The following NEDD9 variants were observed in gnomAD, a reference collection of about 807,000 sequenced individuals.
The protein encoded by NEDD9 is enhancer of filamentation 1.
Under a neutral mutation model 76.6 loss-of-function variants are expected in NEDD9, and 26 were observed. The ratio of observed to expected loss-of-function variants is 0.34; its 90% CI spans 0.25 to 0.47. NEDD9 has a LOEUF of 0.47. Among genes scored for constraint, NEDD9 ranks in the 20% least tolerant of loss-of-function variants. The probability of loss-of-function intolerance (pLI) is 1.00; values close to 1 mark genes in which losing one functional copy is unlikely to be tolerated. For missense variants in NEDD9, 937 were observed against 1,058.5 expected, an observed-to-expected ratio of 0.89 and a Z score of 1.59; for synonymous variants, 392 against 414.2, an observed-to-expected ratio of 0.95 and a Z score of 0.65.
chr6:11,253,799 C>G (rs960115932), intron 3 of NEDD9, among the ~76,000 whole-genome samples: 2 of 152,182 alleles, frequency 1.3e-5, no homozygotes, highest in African/African-American at 4.8e-5. Flanking sequence ...AGATCCAGCA[C>G]CCACCCTCTA....
At chr6:11,326,588 G>A (rs1435678472) in intron 2 of NEDD9, among the ~76,000 whole-genome samples, 1 of 152,210 alleles carries the variant, frequency 6.6e-6, no homozygotes, top group African/African-American at 2.4e-5. Flanking sequence ...GAGCGGCATG[G>A]GTGGTGTTTT....
chr6:11,329,189 G>A (rs1414582133), intron 2 of NEDD9, among the ~76,000 whole-genome samples: 4 of 152,216 alleles, frequency 2.6e-5, no homozygotes, highest in African/African-American at 7.2e-5. Context: ...ACCCGTGCAA[G>A]GGCAAACATC....
intron 3 of NEDD9, among the ~76,000 whole-genome samples, chr6:11,239,733 A>C (rs1409322084): frequency 6.6e-6 from 1 of 152,014 alleles, no homozygotes; most frequent in Non-Finnish European, 1.5e-5. Context: ...TTTCTGAAAG[A>C]CTTGTTAAGT....
At chr6:11,220,705 G>A (rs1759114781) in intron 1 of NEDD9, among the ~76,000 whole-genome samples, 1 of 152,166 alleles carries the variant, frequency 6.6e-6, no homozygotes, top group South Asian at 2.1e-4. Flanking sequence ...TGCAAATTTG[G>A]ATATTTGGAT....
intron 3 of NEDD9, among the ~76,000 whole-genome samples, chr6:11,274,588 G>C (rs1191374927): frequency 6.6e-6 from 1 of 152,176 alleles, no homozygotes; most frequent in Non-Finnish European, 1.5e-5. Context: ...TGTACTCTCT[G>C]TTGGGAACTG....
chr6:11,246,207 G>C (rs1171775208), intron 3 of NEDD9, among the ~76,000 whole-genome samples: 1 of 152,156 alleles, frequency 6.6e-6, no homozygotes, highest in Non-Finnish European at 1.5e-5. Flanking sequence ...CCAGCAAAAT[G>C]GACTGAATGT....
intron 2 of NEDD9, among the ~76,000 whole-genome samples, chr6:11,319,597 C>G (rs1433404873): frequency 2.1e-5 from 3 of 142,968 alleles, no homozygotes; most frequent in Non-Finnish European, 4.5e-5. Flanking sequence ...AACGCACACA[C>G]TAACCATGCA....
chr6:11,249,128 A>G (rs1336699250), intron 3 of NEDD9: 1 of 455,922 alleles, frequency 2.2e-6, no homozygotes, highest in Admixed American at 2.4e-5. Context: ...GTTTTTTGGG[A>G]GGAGACTTAC....
intron 1 of NEDD9, among the ~76,000 whole-genome samples, chr6:11,229,404 C>A (rs937103309): frequency 1.3e-5 from 2 of 151,796 alleles, no homozygotes; most frequent in African/African-American, 2.4e-5. Flanking sequence ...GGCGGGGCCT[C>A]GGGCCTGGCA....
At chr6:11,189,717 C>A (rs1464198895) in intron 5 of NEDD9, among the ~76,000 whole-genome samples, 5 of 151,998 alleles carry the variant, frequency 3.3e-5, no homozygotes, top group African/African-American at 1.2e-4. Context: ...AATTAAGGCC[C>A]AAGGAGGTTG....
At chr6:11,207,643 T>G (rs1188635343) in intron 2 of NEDD9, 1 of 152,170 alleles carries the variant, frequency 6.6e-6, no homozygotes, top group African/African-American at 2.4e-5. Flanking sequence ...GTCCAGACCA[T>G]CACACACATT....
chr6:11,317,758 G>A (rs1049942780), intron 2 of NEDD9, among the ~76,000 whole-genome samples: 2 of 152,178 alleles, frequency 1.3e-5, no homozygotes, highest in Non-Finnish European at 2.9e-5. Flanking sequence ...CAGTGCACCC[G>A]AGAACAGGAA....
At chr6:11,348,987 G>A (rs147549447) in intron 1 of NEDD9, among the ~76,000 whole-genome samples, 57 of 152,144 alleles carry the variant, frequency 3.7e-4, no homozygotes, top group Non-Finnish European at 6.9e-4. Context: ...GGGAACAGAC[G>A]ACCTACAGAA....
intron 1 of NEDD9, among the ~76,000 whole-genome samples, chr6:11,363,479 G>C (rs1008686744): frequency 6.6e-6 from 1 of 152,144 alleles, no homozygotes; most frequent in East Asian, 1.9e-4. Flanking sequence ...CATGGAATGG[G>C]GGGGAAGTCT....
At chr6:11,188,445 G>A in intron 5 of NEDD9, 138 bp from the exon 6 acceptor site, 1 of 770,460 alleles carries the variant, frequency 1.3e-6, no homozygotes, top group Non-Finnish European at 2.2e-6. Context: ...GAGGCACTGT[G>A]AACCCTAGAC....
rs1051038087 is a variant in NEDD9, at chr6:11,322,389, T to A, written c.-153+12112A>T. 2.0e-5 allele frequency among the ~76,000 whole-genome samples: 3 copies of A among 151,204 alleles called. No individual in the cohort carries two copies. In the East Asian group the frequency reaches 5.8e-4, roughly 29 times the overall value. ...TCAGGTTCACTGATGGGAGCTTTGGTCCTGGCACCTGAGGACTGAGCTGGG... is the reference window on the plus strand; with the variant it reads ...TCAGGTTCACTGATGGGAGCTTTGGACCTGGCACCTGAGGACTGAGCTGGG... On this transcript the variant is annotated intron_variant, in intron 2 of 3. Coordinates refer to the NEDD9 transcript ENST00000397378.
intron 1 of NEDD9, among the ~76,000 whole-genome samples, chr6:11,232,137 C>A (rs558168554): frequency 6.6e-6 from 1 of 152,166 alleles, no homozygotes; most frequent in Non-Finnish European, 1.5e-5. Context: ...TTCCCCAGGG[C>A]AGTGGAAGCC....
Position 11,297,127 on chromosome 6 carries a change from G to GTTT in NEDD9, c.12+8862_12+8864dup, listed in dbSNP as rs1211636654. Among the ~76,000 whole-genome samples the GTTT allele has an allele frequency of 3.0e-3, 363 of 121,166 alleles. 3 individuals carry two copies. In the East Asian group the frequency reaches 0.058, roughly 20 times the overall value. 79.5% of individuals were successfully genotyped at this position (121,166 alleles called of 152,430 possible). A position where few individuals can be genotyped will look rare whatever the true frequency, so the allele number is the denominator to read the frequency against. ...GTGAAAAAGCTTTGCAGTTTAATTT[G>GTTT]TTTTGTTTTTTTTTTTTTTTGGTTT... On this transcript the variant is annotated intron_variant, in intron 3 of 3. Coordinates refer to the NEDD9 transcript ENST00000397378.
In NEDD9 at chr6:11,202,036, A is replaced by C. The variant is rs538512372; in HGVS notation, c.460-8344T>G. ...TAGGTAACCCAGGATGTGCTCAGGAAATAACAATGGGTAATTGATGAGAAG... is the reference window on the plus strand; with the variant it reads ...TAGGTAACCCAGGATGTGCTCAGGACATAACAATGGGTAATTGATGAGAAG... On this transcript the variant is annotated intron_variant, in intron 2 of 6. Coordinates refer to ENST00000379446, the MANE Select transcript of NEDD9 (RefSeq NM_006403.4). Among the ~76,000 whole-genome samples, 13 of 137,840 alleles carry C rather than the reference A, an allele frequency of 9.4e-5. No individual in the cohort carries two copies. The South Asian group carries it at 2.7e-3, about 29-fold the overall frequency. The allele number at this position is 137,840 out of a possible 152,430, so 90.4% of individuals were successfully genotyped here.
Sources: allele counts gnomAD v4.1 joint callset (sites outside exome capture counted in the v4.1 genomes callset), GRCh38; gene constraint gnomAD v4.1.1; transcripts MANE v1.5; gene names NCBI Gene and HGNC (gene_info 2026-07-23, HGNC 2026-07-21).